The following FOXN3 variants were observed in gnomAD, a reference collection of about 807,000 sequenced individuals.
FOXN3 encodes the protein forkhead box protein N3.
In FOXN3, 7 loss-of-function variants were observed where a neutral mutation model predicts 38.4. That is an observed-to-expected ratio of 0.18 (90% confidence interval 0.10 to 0.34). FOXN3 has a LOEUF of 0.34. FOXN3 is among the 10% of genes least tolerant of loss of function. FOXN3 has a pLI of 1.00. For missense variants in FOXN3, 456 were observed against 613.4 expected, an observed-to-expected ratio of 0.74 and a Z score of 2.71; for synonymous variants, 230 against 242.2, an observed-to-expected ratio of 0.95 and a Z score of 0.47.
At chr14:89,165,401 T>C (rs1887214388) in intron 5 of FOXN3, among the ~76,000 whole-genome samples, 1 of 152,228 alleles carries the variant, frequency 6.6e-6, no homozygotes, top group Non-Finnish European at 1.5e-5. Context: ...TGTGGTCCGA[T>C]TCCTGCGACT....
chr14:89,415,875 CACACACACCCT>C (rs1891694867), intron 1 of FOXN3, among the ~76,000 whole-genome samples: 1 of 151,448 alleles, frequency 6.6e-6, no homozygotes, highest in Non-Finnish European at 1.5e-5. Context: ...CACACACACA[CACACACACCCT>C]CTTTTGTTTT....
At chr14:89,521,669 C>CA (rs1894321669) in intron 1 of FOXN3, among the ~76,000 whole-genome samples, 1 of 152,056 alleles carries the variant, frequency 6.6e-6, no homozygotes, top group African/African-American at 2.4e-5. Flanking sequence ...ACTCAGTAAA[C>CA]ACCAAGCAAA....
At chr14:89,333,437 C>A (rs549838669) in intron 3 of FOXN3, among the ~76,000 whole-genome samples, 1 of 142,384 alleles carries the variant, frequency 7.0e-6, no homozygotes, top group African/African-American at 2.6e-5. Flanking sequence ...AAAAAAAAGG[C>A]TCAGCACCTA....
chr14:89,196,486 C>T (rs10148044), intron 4 of FOXN3, among the ~76,000 whole-genome samples: 55,032 of 151,978 alleles, frequency 0.36, 12,043 homozygotes, highest in African/African-American at 0.62. Flanking sequence ...TGGAAGGGGC[C>T]GGTTTGGTTT....
Position 89,417,100 on chromosome 14 carries a change from C to T in FOXN3, c.-244G>A, listed in dbSNP as rs1891764097. 1 of 143,798 alleles carries T rather than the reference C, an allele frequency of 7.0e-6. No homozygotes were observed. The highest frequency in any genetic ancestry group is 1.5e-5 in the Non-Finnish European group (1 of 64,866). The allele number at this position is 143,798 out of a possible 1,614,324, so 8.9% of individuals were successfully genotyped here. On this transcript the variant is annotated 5_prime_UTR_variant, in exon 1 of 6. Transcript: ENST00000557258. Reference sequence around the variant, plus strand: ...CCTGCGGCGTCCGCCGGGCGCGCCGCGCGTCCTCCCGCCGGCCCCGCCGCT... The same window carrying T: ...CCTGCGGCGTCCGCCGGGCGCGCCGTGCGTCCTCCCGCCGGCCCCGCCGCT...
intron 3 of FOXN3, chr14:89,291,678 G>A: frequency 2.4e-6 from 1 of 414,130 alleles, no homozygotes; most frequent in South Asian, 2.0e-5. Flanking sequence ...GGCCCTTATT[G>A]TGTTGTTTTA....
intron 1 of FOXN3, among the ~76,000 whole-genome samples, chr14:89,581,653 T>C (rs1018635940): frequency 2.0e-5 from 3 of 152,052 alleles, no homozygotes; most frequent in Admixed American, 6.6e-5. Flanking sequence ...GGCCATGGTG[T>C]TTGATGTTAA....
intron 1 of FOXN3, among the ~76,000 whole-genome samples, chr14:89,489,333 C>T (rs577755684): frequency 6.6e-6 from 1 of 152,266 alleles, no homozygotes; most frequent in African/African-American, 2.4e-5. Flanking sequence ...TCCTCCTCAT[C>T]GAGGCGTTTG....
chr14:89,401,707 TGGG>T (rs1891252211), intron 2 of FOXN3: 1 of 455,134 alleles, frequency 2.2e-6, no homozygotes, highest in Non-Finnish European at 4.4e-6. Flanking sequence ...TTCTGCTAGG[TGGG>T]TGTTTTCTGT....
chr14:89,368,865 G>A (rs1001987073), intron 2 of FOXN3, among the ~76,000 whole-genome samples: 6 of 152,282 alleles, frequency 3.9e-5, no homozygotes, highest in South Asian at 2.1e-4. Flanking sequence ...AATAACTGAC[G>A]TGATAGCCAA....
At chr14:89,350,470 C>T (rs1351156948) in intron 3 of FOXN3, 1 of 413,784 alleles carries the variant, frequency 2.4e-6, no homozygotes, top group Non-Finnish European at 4.2e-6. Context: ...TCTGGAAGCA[C>T]ATTCCTCTGA....
intron 2 of FOXN3, chr14:89,399,964 C>T (rs1891205326): frequency 6.6e-6 from 1 of 152,206 alleles, no homozygotes; most frequent in African/African-American, 2.4e-5. Flanking sequence ...GACCAGATGG[C>T]AGAGAACTCG....
intron 4 of FOXN3, among the ~76,000 whole-genome samples, chr14:89,181,263 C>G (rs1194445588): frequency 6.6e-6 from 1 of 151,944 alleles, no homozygotes; most frequent in Non-Finnish European, 1.5e-5. Flanking sequence ...ATTTATTAAA[C>G]ATAACCTTTT....
At chr14:89,221,226 T>C (rs966902387) in intron 4 of FOXN3, among the ~76,000 whole-genome samples, 13 of 152,172 alleles carry the variant, frequency 8.5e-5, no homozygotes, top group African/African-American at 3.1e-4. Flanking sequence ...ATAATGGTAG[T>C]TCTATTCCAG....
At chr14:89,263,752 A>C (rs990667672) in intron 4 of FOXN3, 1 of 152,192 alleles carries the variant, frequency 6.6e-6, no homozygotes, top group Non-Finnish European at 1.5e-5. Flanking sequence ...GAATTTTCCC[A>C]AACAATTTAC....
chr14:89,238,736 T>C (rs1183348870), intron 4 of FOXN3, among the ~76,000 whole-genome samples: 1 of 152,216 alleles, frequency 6.6e-6, no homozygotes, highest in East Asian at 1.9e-4. Flanking sequence ...ACTGGGTGCC[T>C]TTCAGTTAGT....
chr14:89,464,917 C>T (rs1243245758), intron 1 of FOXN3, among the ~76,000 whole-genome samples: 6 of 152,100 alleles, frequency 3.9e-5, no homozygotes, highest in Admixed American at 2.6e-4. Flanking sequence ...AAGCTGGTCT[C>T]GAACACCTGA....
chr14:89,462,932 T>A (rs1381893604), intron 1 of FOXN3, among the ~76,000 whole-genome samples: 1 of 149,478 alleles, frequency 6.7e-6, no homozygotes, highest in Non-Finnish European at 1.5e-5. Flanking sequence ...GATCCACCCA[T>A]CTTGGCCTCC....
chr14:89,310,803 A>G (rs780760295), intron 3 of FOXN3, among the ~76,000 whole-genome samples: 2 of 152,240 alleles, frequency 1.3e-5, no homozygotes, highest in Admixed American at 6.5e-5. Flanking sequence ...TCTAGTTGAC[A>G]TGAAAAATCC....
Sources: gnomAD v4.1 joint callset for allele counts (sites outside exome capture counted in the v4.1 genomes callset) on GRCh38, gnomAD v4.1.1 for gene constraint, MANE v1.5 for transcripts, NCBI Gene and HGNC (gene_info 2026-07-23, HGNC 2026-07-21) for gene names.